The following GSTM5 variants were observed in gnomAD, a reference collection of about 807,000 sequenced individuals.
GSTM5 encodes GST class-mu 5.
Under a neutral mutation model 29.0 loss-of-function variants are expected in GSTM5, and 24 were observed. That is an observed-to-expected ratio of 0.83 (90% CI 0.60 to 1.16). The LOEUF (loss-of-function observed/expected upper bound fraction) is 1.16. Ranked by LOEUF, GSTM5 falls within the 50% of genes most tolerant of loss-of-function variation. GSTM5 has a pLI of 0.00. For synonymous variants in GSTM5, 91 were observed against 93.6 expected, an observed-to-expected ratio of 0.97 and a Z score of 0.16; for missense variants, 290 against 263.0, an observed-to-expected ratio of 1.10 and a Z score of -0.71.
At chr1:109,716,424 C>T in intron 7 of GSTM5, 2 of 155,350 alleles carry the variant, frequency 1.3e-5, no homozygotes, top group Non-Finnish European at 1.4e-5. Flanking sequence ...TGGCCCTGGC[C>T]CTTTGGGGAG....
chr1:109,715,608 G>A (rs1295008961), intron 7 of GSTM5: 2 of 1,038,628 alleles, frequency 1.9e-6, no homozygotes, highest in Admixed American at 5.9e-5. Context: ...GCCTCATCCA[G>A]CCTGGGTTTC....
chr1:109,717,129 AGCTG>A, intron 7 of GSTM5: 4 of 336,438 alleles, frequency 1.2e-5, no homozygotes, highest in Non-Finnish European at 1.6e-5. Context: ...CGTAAATGGT[AGCTG>A]TTATTATGGT....
intron 2 of GSTM5, 55 bp from the exon 3 acceptor site, chr1:109,713,064 C>T (rs546598252): frequency 4.0e-5 from 65 of 1,607,596 alleles, no homozygotes; most frequent in Admixed American, 6.7e-5. Flanking sequence ...GGAGGGTCCC[C>T]GGGAAGGAGG....
chr1:109,712,626 C>T lies in GSTM5; in HGVS notation c.45C>T (p.His15=), dbSNP rs139056212. 1.5e-5 allele frequency: 25 copies of T among 1,613,998 alleles called. No homozygotes were observed. The highest frequency in any genetic ancestry group is 3.3e-5 in the South Asian group (3 of 91,088). Residue 15 remains histidine, a synonymous_variant, in exon 2 of 8, where the codon CAC becomes CAT. Transcript: ENST00000256593. ...CGGGCCATCTCTCCCAGCTGGCCCA[C>T]GCCATCCGCTTGCTCCTGGAATACA... ...LGYWDIRGLA[H]AIRLLLEYTD...
At chr1:109,717,162 A>G in intron 7 of GSTM5, 175 bp from the exon 8 acceptor site, 2 of 540,116 alleles carry the variant, frequency 3.7e-6, no homozygotes, top group Non-Finnish European at 6.9e-6. Context: ...ACTTAAAGGA[A>G]GTTGGAAGAG....
Position 109,712,280 on chromosome 1 carries a change from T to A in GSTM5, c.-33T>A, listed in dbSNP as rs1377229930. 6.2e-7 allele frequency: 1 copy of A among 1,613,368 alleles called. No homozygotes were observed. Among genetic ancestry groups the A allele is most frequent in the Non-Finnish European group, 8.5e-7 (1 of 1,179,480 alleles). On this transcript the variant is annotated 5_prime_UTR_variant, in exon 1 of 8. It removes an upstream start codon present in the reference 5' UTR. Transcript: ENST00000256593. ...CAAAGTCTGAGCCCCGCTCCGCTGA[T>A]GCCTGTCTGCAGAATCCGCACCAAC...
rs1200587556 is a variant in GSTM5 at position 109,715,416 on chromosome 1, A to T, written c.567+176A>T. 3.2e-6 allele frequency: 5 copies of T among 1,552,454 alleles called. No individual in the cohort carries two copies. The South Asian group carries it at 5.9e-5, about 18-fold the overall frequency. ...TCGTGTAGAATTTGAAATTTCCAAC[A>T]TTCCTACAGGGTGACAGAATTATCT... is the stretch of plus-strand genomic sequence containing the variant. On this transcript the variant is annotated intron_variant, in intron 7 of 7. Transcript: ENST00000256593.
upstream of GSTM5, chr1:109,712,154 G>A: frequency 1.3e-6 from 1 of 790,368 alleles, no homozygotes; most frequent in Admixed American, 2.0e-5. Context: ...TTCCAGCCCC[G>A]GGCGCTCGCT....
chr1:109,712,306 CAG>C lies in GSTM5; in HGVS notation c.-6_-5del. ...GCCTGTCTGCAGAATCCGCACCAAC[CAG>C]CACCATGCCCATGACTCTGGGGTAC... On this transcript the variant is annotated 5_prime_UTR_variant, in exon 1 of 8. Transcript: ENST00000256593. 1.2e-6 allele frequency: 2 copies of C among 1,614,112 alleles called. No homozygotes were observed. The highest frequency in any genetic ancestry group is 1.7e-6 in the Non-Finnish European group (2 of 1,179,952).
intron 3 of GSTM5, 75 bp downstream of exon 3, chr1:109,713,258 G>C: frequency 1.2e-6 from 2 of 1,602,946 alleles, no homozygotes; most frequent in East Asian, 4.5e-5. Context: ...CCCCACCTTA[G>C]AGGTGTTAAG....
chr1:109,714,919 G>A (rs780090239), intron 5 of GSTM5, 28 bp from the exon 6 acceptor site: 1 of 1,612,300 alleles, frequency 6.2e-7, no homozygotes, highest in Non-Finnish European at 8.5e-7. Flanking sequence ...TTTTGTCTGA[G>A]GGTGGTGACA....
At chr1:109,716,090 GGT>G (rs1016863671) in intron 7 of GSTM5, 36 of 385,948 alleles carry the variant, frequency 9.3e-5, no homozygotes, top group Non-Finnish European at 1.7e-4. Context: ...CAGCCTGTGA[GGT>G]GTGTGTGGCA....
Position 109,717,488 on chromosome 1 carries a change from A to T in GSTM5, c.*62A>T. The T allele has an allele frequency of 8.8e-7, 1 of 1,135,412 alleles. No homozygotes were observed. The highest frequency in any genetic ancestry group is 1.3e-6 in the Non-Finnish European group (1 of 742,742). The allele number at this position is 1,135,412 out of a possible 1,614,324, so 70.3% of individuals were successfully genotyped here. A position where few individuals can be genotyped will look rare whatever the true frequency, so the allele number is the denominator to read the frequency against. On this transcript the variant is annotated 3_prime_UTR_variant, in exon 8 of 8. Coordinates refer to ENST00000256593, the MANE Select transcript of GSTM5 (RefSeq NM_000851.4). The stretch of plus-strand genomic sequence containing the variant: ...ACCTTGCTGCCTGCGACCCTGGAGG[A>T]CAGCCTGACTCCCTGGACCTGCCTT...
At position 109,715,147 on chromosome 1, in the gene GSTM5, C is replaced by T. The variant is rs778846904; in HGVS notation, c.474C>T (p.Phe158=). 4 of 1,614,092 alleles carry T rather than the reference C, an allele frequency of 2.5e-6. No homozygotes were observed. The highest frequency in any genetic ancestry group is 2.7e-5 in the African/African-American group (2 of 74,936). Residue 158 remains phenylalanine, a synonymous_variant, in exon 7 of 8, where the codon TTC becomes TTT. Coordinates refer to ENST00000256593, the MANE Select transcript of GSTM5 (RefSeq NM_000851.4). ...TTCTTCAGATCACCTTTGTGGATTT[C>T]CTTGCCTATGATGTCCTTGACATGA... ...FAGDKITFVD[F]LAYDVLDMKR... is the part of the protein sequence containing the mutation.
In GSTM5 at chr1:109,713,518, C is replaced by T. The variant is rs763216336; in HGVS notation, c.212C>T (p.Thr71Ile). The change falls in exon 4 of 8, where the codon ACC becomes ATC. Residue 71 changes from threonine (T) to isoleucine (I), a missense_variant. By Grantham distance (89) the Thr-to-Ile change is moderately conservative. Coordinates refer to ENST00000256593, the MANE Select transcript of GSTM5 (RefSeq NM_000851.4). ...PYLIDGAHKI[T>I]QSNAILRYIA... Reference sequence around the variant, plus strand: ...TTGATTGATGGGGCTCACAAGATCACCCAGAGCAATGCCATCCTGCGCTAC... The same window carrying T: ...TTGATTGATGGGGCTCACAAGATCATCCAGAGCAATGCCATCCTGCGCTAC... 1.2e-6 allele frequency: 2 copies of T among 1,614,132 alleles called. No individual in the cohort carries two copies. The highest frequency in any genetic ancestry group is 1.7e-6 in the Non-Finnish European group (2 of 1,180,062).
intron 7 of GSTM5, chr1:109,715,465 C>G: frequency 6.6e-7 from 1 of 1,515,594 alleles, no homozygotes; most frequent in Non-Finnish European, 8.8e-7. Context: ...GATAAGAAAA[C>G]TGAGAATGAG....
At position 109,713,128 on chromosome 1, in the gene GSTM5, A is replaced by C; in HGVS notation, c.122A>C (p.Tyr41Ser). 6.2e-7 allele frequency: 1 copy of C among 1,612,580 alleles called. No homozygotes were observed. Among genetic ancestry groups the C allele is most frequent in the Non-Finnish European group, 8.5e-7 (1 of 1,179,862 alleles). Residue 41 changes from tyrosine (Y) to serine (S), a missense_variant, in exon 3 of 8, where the codon TAT becomes TCT. Physicochemically the swap from Tyr to Ser is moderately radical, Grantham distance 144. Transcript: ENST00000256593. ...KKYTLGDAPD[Y>S]DRSQWLNEKF... ...TTCTTCCCCACCACAGCTCCTGACTATGACAGAAGCCAGTGGCTGAATGAA... is the reference window on the plus strand; with the variant it reads ...TTCTTCCCCACCACAGCTCCTGACTCTGACAGAAGCCAGTGGCTGAATGAA...
At chr1:109,711,852 G>A (rs1403834496), upstream of GSTM5, among the ~76,000 whole-genome samples, 1 of 144,244 alleles carries the variant, frequency 6.9e-6, no homozygotes, top group African/African-American at 2.4e-5. Context: ...TTTTTAGTCT[G>A]ACCCCTGCAG....
At chr1:109,715,262 C>T in intron 7 of GSTM5, 22 bp downstream of exon 7, 1 of 1,614,214 alleles carries the variant, frequency 6.2e-7, no homozygotes, top group Non-Finnish European at 8.5e-7. Context: ...ATCCTCCTTT[C>T]TCTTTGATGC....
Sources: allele counts gnomAD v4.1 joint callset (sites outside exome capture counted in the v4.1 genomes callset), GRCh38; gene constraint gnomAD v4.1.1; transcripts MANE v1.5; gene names NCBI Gene and HGNC (gene_info 2026-07-23, HGNC 2026-07-21).